Variants in PUM1 observed in about 807,000 individuals in gnomAD.
The protein encoded by PUM1 is pumilio homolog 1.
In PUM1, 13 loss-of-function variants were observed where a neutral mutation model predicts 131.8. The ratio of observed to expected loss-of-function variants is 0.10; its 90% confidence interval spans 0.06 to 0.16. PUM1 has a LOEUF of 0.16. Among genes scored for constraint, PUM1 ranks in the 10% least tolerant of loss-of-function variants. PUM1 has a pLI of 1.00. For missense variants in PUM1, 961 were observed against 1,512.4 expected (o/e 0.64, Z 6.05); for synonymous variants, 509 against 556.5 (o/e 0.91, Z 1.20).
intron 3 of PUM1, among the ~76,000 whole-genome samples, chr1:31,027,290 A>AG (rs1247904769): frequency 6.6e-6 from 1 of 152,224 alleles, no homozygotes; most frequent in Non-Finnish European, 1.5e-5. Flanking sequence ...AAAAATTCAA[A>AG]AAAGAAAGAA....
chr1:30,992,287 C>T, intron 7 of PUM1, 103 bp downstream of exon 7: 1 of 1,468,040 alleles, frequency 6.8e-7, no homozygotes. Flanking sequence ...TATGGATAGC[C>T]TGAAACAATG....
intron 9 of PUM1, among the ~76,000 whole-genome samples, chr1:30,975,931 A>G (rs565185174): frequency 6.6e-6 from 1 of 152,022 alleles, no homozygotes; most frequent in Non-Finnish European, 1.5e-5. Flanking sequence ...AAAAAAATAT[A>G]TAAAAAATTA....
intron 2 of PUM1, 136 bp from the exon 3 acceptor site, chr1:31,029,000 AAG>A (rs1407436482): frequency 3.1e-5 from 22 of 698,610 alleles, no homozygotes; most frequent in Non-Finnish European, 5.4e-5. Flanking sequence ...TCAAGTGACT[AAG>A]AGATTAAACA....
At chr1:31,018,078 C>T (rs574482409) in intron 3 of PUM1, among the ~76,000 whole-genome samples, 15 of 152,194 alleles carry the variant, frequency 9.9e-5, no homozygotes, top group Non-Finnish European at 1.6e-4. Flanking sequence ...TTACCAGGCG[C>T]GGTGGCTCAT....
chr1:30,999,958 G>A (rs1306513437), intron 5 of PUM1, among the ~76,000 whole-genome samples: 1 of 152,190 alleles, frequency 6.6e-6, no homozygotes, highest in African/African-American at 2.4e-5. Context: ...CCTCCCAGGG[G>A]CATTGTCATT....
intron 2 of PUM1, among the ~76,000 whole-genome samples, chr1:31,044,819 T>C (rs183021736): frequency 6.6e-5 from 10 of 152,166 alleles, no homozygotes; most frequent in African/African-American, 2.2e-4. Flanking sequence ...TTTGTTGTTG[T>C]TGTTGTTTGA....
intron 9 of PUM1, among the ~76,000 whole-genome samples, chr1:30,978,423 T>C (rs547341680): frequency 1.3e-5 from 2 of 152,338 alleles, no homozygotes; most frequent in East Asian, 1.9e-4. Context: ...TACGAAGAGC[T>C]TTCTGTTTTC....
At chr1:31,019,387 C>G (rs1642939344) in intron 3 of PUM1, among the ~76,000 whole-genome samples, 1 of 152,172 alleles carries the variant, frequency 6.6e-6, no homozygotes, top group Admixed American at 6.5e-5. Flanking sequence ...TTAGGACAAC[C>G]ACAAATTAGA....
chr1:30,945,203 C>A, intron 18 of PUM1, 143 bp downstream of exon 18: 1 of 929,840 alleles, frequency 1.1e-6, no homozygotes, highest in Non-Finnish European at 1.6e-6. Context: ...CACTGCACTC[C>A]AGCCTGGGCA....
chr1:30,979,557 T>C lies in PUM1; in HGVS notation c.1354+505A>G, dbSNP rs185426821. ...CCAAGTAAGTTGTAATGATCAGCCATGTTTGGTAATAACTGTAGTATGACA... is the reference window on the plus strand; with the variant it reads ...CCAAGTAAGTTGTAATGATCAGCCACGTTTGGTAATAACTGTAGTATGACA... On this transcript the variant is annotated intron_variant, in intron 9 of 21. Coordinates refer to ENST00000426105, the MANE Select transcript of PUM1 (RefSeq NM_001020658.2). 2.6e-3 allele frequency among the ~76,000 whole-genome samples: 389 copies of C among 151,736 alleles called. 1 individual carries two copies. Among genetic ancestry groups the C allele is most frequent in the Non-Finnish European group, 5.2e-3 (352 of 67,928 alleles).
intron 2 of PUM1, among the ~76,000 whole-genome samples, chr1:31,049,823 C>CTT (rs773718125): frequency 0.038 from 3,048 of 80,042 alleles, 155 homozygotes; most frequent in African/African-American, 0.049. Flanking sequence ...ACTGAACTTC[C>CTT]TTTTTTTTTT....
At chr1:30,984,228 G>A (rs544997524) in intron 7 of PUM1, among the ~76,000 whole-genome samples, 2 of 152,276 alleles carry the variant, frequency 1.3e-5, no homozygotes, top group Admixed American at 1.3e-4. Flanking sequence ...TACATCTACA[G>A]CAGACAGATT....
At chr1:30,998,164 T>C (rs1642053315) in intron 5 of PUM1, among the ~76,000 whole-genome samples, 1 of 152,204 alleles carries the variant, frequency 6.6e-6, no homozygotes, top group South Asian at 2.1e-4. Flanking sequence ...AAGACGAACA[T>C]TTATGGCTCG....
intron 18 of PUM1, 72 bp from the exon 19 acceptor site, chr1:30,942,195 A>G: frequency 5.1e-5 from 1 of 19,672 alleles, no homozygotes; most frequent in Non-Finnish European, 1.3e-4. Context: ...TATTGTTTAT[A>G]TATATATATA....
At chr1:31,039,425 G>A (rs1335023465) in intron 2 of PUM1, among the ~76,000 whole-genome samples, 1 of 151,896 alleles carries the variant, frequency 6.6e-6, no homozygotes, top group Non-Finnish European at 1.5e-5. Context: ...GAGTTTCACT[G>A]TGTTAGCCAG....
chr1:31,029,344 C>G (rs1385262560), intron 2 of PUM1, among the ~76,000 whole-genome samples: 1 of 152,132 alleles, frequency 6.6e-6, no homozygotes, highest in Non-Finnish European at 1.5e-5. Context: ...GGATGCAAAC[C>G]CTATAATGAA....
At chr1:31,029,280 G>C (rs1244573237) in intron 2 of PUM1, among the ~76,000 whole-genome samples, 1 of 152,196 alleles carries the variant, frequency 6.6e-6, no homozygotes, top group Admixed American at 6.5e-5. Flanking sequence ...AGTTAAATTA[G>C]GGAGTGCATT....
intron 10 of PUM1, among the ~76,000 whole-genome samples, chr1:30,969,316 CA>C (rs763999971): frequency 1.6e-3 from 83 of 51,204 alleles, no homozygotes; most frequent in Middle Eastern, 8.8e-3. Context: ...AACACACACA[CA>C]AAAAAAAAAA....
rs76449468 is a variant in PUM1, at chr1:31,036,996, G to A, written c.364-8132C>T. ...GTTGTGGTTTCTTCCCTGAACACTGGCTTCACATAGTTTTTTGTGCTGAGA... is the reference window on the plus strand; with the variant it reads ...GTTGTGGTTTCTTCCCTGAACACTGACTTCACATAGTTTTTTGTGCTGAGA... On this transcript the variant is annotated intron_variant, in intron 2 of 21. Coordinates refer to ENST00000426105, the MANE Select transcript of PUM1 (RefSeq NM_001020658.2). 4.0e-3 allele frequency: 688 copies of A among 172,986 alleles called. 3 individuals carry two copies. The highest frequency in any genetic ancestry group is 0.015 in the African/African-American group (648 of 42,288). 10.7% of individuals were successfully genotyped at this position (172,986 alleles called of 1,614,324 possible).
Sources: gnomAD v4.1 joint callset for allele counts (sites outside exome capture counted in the v4.1 genomes callset) on GRCh38, gnomAD v4.1.1 for gene constraint, MANE v1.5 for transcripts, NCBI Gene and HGNC (gene_info 2026-07-23, HGNC 2026-07-21) for gene names.